Variants in MDFIC2 observed in about 807,000 individuals in gnomAD.
MDFIC2 encodes myoD family inhibitor domain-containing protein 2.
At chr3:70,277,183 G>T (rs1159811017) in intron 2 of MDFIC2, among the ~76,000 whole-genome samples, 2 of 152,138 alleles carry the variant, frequency 1.3e-5, no homozygotes, top group East Asian at 3.9e-4. Context: ...GATTGAGAAG[G>T]CTGGAACAAT....
intron 2 of MDFIC2, among the ~76,000 whole-genome samples, chr3:70,259,851 G>A (rs1042344859): frequency 2.0e-5 from 3 of 152,160 alleles, no homozygotes; most frequent in Non-Finnish European, 2.9e-5. Context: ...GAGGTCTCAG[G>A]AAACTTACAA....
chr3:70,237,551 C>G (rs752487938), intron 2 of MDFIC2, among the ~76,000 whole-genome samples: 10 of 152,198 alleles, frequency 6.6e-5, no homozygotes, highest in Non-Finnish European at 1.5e-4. Flanking sequence ...ACCTCTTACT[C>G]TTCTTCTTCA....
chr3:70,262,328 G>A (rs1701874671), intron 2 of MDFIC2, among the ~76,000 whole-genome samples: 1 of 152,174 alleles, frequency 6.6e-6, no homozygotes, highest in Admixed American at 6.6e-5. Context: ...AGAAAATGAT[G>A]CATTGCTGAG....
chr3:70,289,011 C>A (rs1411893791), intron 2 of MDFIC2, among the ~76,000 whole-genome samples: 1 of 152,174 alleles, frequency 6.6e-6, no homozygotes, highest in African/African-American at 2.4e-5. Flanking sequence ...AAATCTTTAT[C>A]CAGTTTGCCA....
intron 2 of MDFIC2, among the ~76,000 whole-genome samples, chr3:70,219,418 T>C (rs1402976399): frequency 6.6e-6 from 1 of 152,182 alleles, no homozygotes; most frequent in East Asian, 1.9e-4. Context: ...TGTTGATTTT[T>C]GATGTGACCA....
At position 70,195,685 on chromosome 3, in the gene MDFIC2, C is replaced by T. The variant is rs909867037; in HGVS notation, c.*1241G>A. On this transcript the variant is annotated 3_prime_UTR_variant, in exon 4 of 4. Transcript: ENST00000567252. ...TGTGTTCTTTGTTTGGTTACTCATG[C>T]ATGATGCTTTTTTATATTCAGTGAA... Among the ~76,000 whole-genome samples, 1 of 152,158 alleles carries T rather than the reference C, an allele frequency of 6.6e-6. No homozygotes were observed. The highest frequency in any genetic ancestry group is 2.4e-5 in the African/African-American group (1 of 41,440).
At chr3:70,288,125 T>TG (rs1702187832) in intron 2 of MDFIC2, among the ~76,000 whole-genome samples, 1 of 145,804 alleles carries the variant, frequency 6.9e-6, no homozygotes, top group Non-Finnish European at 1.5e-5. Context: ...TGCTCTTGCT[T>TG]TTCTAGTTCT....
At chr3:70,284,787 C>T (rs1559553847) in intron 2 of MDFIC2, among the ~76,000 whole-genome samples, 1 of 152,034 alleles carries the variant, frequency 6.6e-6, no homozygotes, top group Non-Finnish European at 1.5e-5. Context: ...GGGAAAATAA[C>T]TAATGGGTAC....
chr3:70,295,878 C>G (rs1180019836), intron 2 of MDFIC2, among the ~76,000 whole-genome samples: 1 of 152,146 alleles, frequency 6.6e-6, no homozygotes, highest in Non-Finnish European at 1.5e-5. Context: ...GTGCCTCCCA[C>G]TTGATCTTTG....
intron 2 of MDFIC2, among the ~76,000 whole-genome samples, chr3:70,311,587 G>A (rs1702453542): frequency 6.6e-6 from 1 of 152,094 alleles, no homozygotes; most frequent in African/African-American, 2.4e-5. Context: ...AAAATCTACA[G>A]CACTGCAAAG....
chr3:70,268,666 T>A (rs1701946749), intron 2 of MDFIC2, among the ~76,000 whole-genome samples: 1 of 152,156 alleles, frequency 6.6e-6, no homozygotes, highest in African/African-American at 2.4e-5. Flanking sequence ...ATTTTCAGTA[T>A]TCTCTCTTCT....
chr3:70,294,517 A>G (rs1227858583), intron 2 of MDFIC2, among the ~76,000 whole-genome samples: 2 of 152,150 alleles, frequency 1.3e-5, no homozygotes, highest in African/African-American at 4.8e-5. Flanking sequence ...TATGAGGAAA[A>G]AAGTAAAATA....
intron 2 of MDFIC2, among the ~76,000 whole-genome samples, chr3:70,276,419 T>G (rs1702026871): frequency 6.6e-6 from 1 of 152,202 alleles, no homozygotes; most frequent in Admixed American, 6.5e-5. Context: ...TTGTAACAAA[T>G]ACCCATAACA....
At chr3:70,305,938 C>G (rs1209425512) in intron 2 of MDFIC2, among the ~76,000 whole-genome samples, 3 of 152,038 alleles carry the variant, frequency 2.0e-5, no homozygotes, top group African/African-American at 7.2e-5. Flanking sequence ...CCTCTAGGCT[C>G]TTTTCTAGTA....
intron 2 of MDFIC2, among the ~76,000 whole-genome samples, chr3:70,240,704 G>A (rs987146976): frequency 2.0e-5 from 3 of 151,986 alleles, no homozygotes; most frequent in African/African-American, 7.3e-5. Context: ...TTTTCACCTG[G>A]CTAAACATGG....
chr3:70,301,306 A>G (rs1236708266), intron 2 of MDFIC2, among the ~76,000 whole-genome samples: 2 of 152,136 alleles, frequency 1.3e-5, no homozygotes, highest in African/African-American at 2.4e-5. Context: ...GGAATTGGGT[A>G]TGTTCATATG....
chr3:70,281,130 G>A (rs964893477), intron 2 of MDFIC2, among the ~76,000 whole-genome samples: 13 of 152,124 alleles, frequency 8.5e-5, no homozygotes, highest in African/African-American at 3.1e-4. Flanking sequence ...TTTCAAGGAT[G>A]TTTCAGAGGG....
chr3:70,197,850 G>A (rs866756677), intron 3 of MDFIC2, among the ~76,000 whole-genome samples: 1 of 152,112 alleles, frequency 6.6e-6, no homozygotes, highest in Admixed American at 6.5e-5. Flanking sequence ...TGCCTAAAAG[G>A]TTTTAAATCT....
chr3:70,299,572 C>T (rs1181773197), intron 2 of MDFIC2, among the ~76,000 whole-genome samples: 1 of 152,132 alleles, frequency 6.6e-6, no homozygotes, highest in Admixed American at 6.6e-5. Flanking sequence ...ATGGCCAAGG[C>T]TCGTTGGAGT....
Sources: gnomAD v4.1 joint callset for allele counts (sites outside exome capture counted in the v4.1 genomes callset) on GRCh38, gnomAD v4.1.1 for gene constraint, MANE v1.5 for transcripts, NCBI Gene and HGNC (gene_info 2026-07-23, HGNC 2026-07-21) for gene names.